The following LHFPL3 variants were observed in gnomAD, a reference collection of about 807,000 sequenced individuals.
LHFPL3 encodes the protein LHFPL tetraspan subfamily member 3 protein.
LHFPL3 carries 5 observed loss-of-function variants against 19.3 expected under a neutral mutation model. The observed-to-expected ratio is 0.26, with a 90% CI of 0.14 to 0.54. LHFPL3 has a LOEUF of 0.54. Ranked by LOEUF, LHFPL3 falls within the 20% of genes least tolerant of loss-of-function variation. The pLI, the probability that LHFPL3 is intolerant of heterozygous loss-of-function variation, is 0.94. For missense variants in LHFPL3, 249 were observed against 307.4 expected, an observed-to-expected ratio of 0.81 and a Z score of 1.42; for synonymous variants, 133 against 126.2, an observed-to-expected ratio of 1.05 and a Z score of -0.36.
At chr7:104,748,964 AT>A (rs1172579692) in intron 2 of LHFPL3, among the ~76,000 whole-genome samples, 1 of 152,132 alleles carries the variant, frequency 6.6e-6, no homozygotes, top group Non-Finnish European at 1.5e-5. Context: ...CACTAATTTA[AT>A]TTCTTTTGTT....
intron 1 of LHFPL3, among the ~76,000 whole-genome samples, chr7:104,493,689 C>T (rs544970545): frequency 6.6e-6 from 1 of 151,998 alleles, no homozygotes; most frequent in African/African-American, 2.4e-5. Context: ...ATTGGTTTTA[C>T]TTGTGCAATA....
chr7:104,836,747 G>A (rs892749160), intron 2 of LHFPL3, among the ~76,000 whole-genome samples: 8 of 152,180 alleles, frequency 5.3e-5, no homozygotes, highest in African/African-American at 1.4e-4. Context: ...CTGCTGAGCA[G>A]AGATGAGCCA....
In LHFPL3 at chr7:104,329,101, G is replaced by T. The variant is rs1279232472; in HGVS notation, c.322G>T (p.Ala108Ser). The change falls in exon 1 of 3, where the codon GCC becomes TCC. Residue 108 changes from alanine (A) to serine (S), a missense_variant. Ala to Ser is a moderately conservative substitution (Grantham distance 99). Coordinates refer to ENST00000424859, the MANE Select transcript of LHFPL3 (RefSeq NM_199000.3). ...GCTGCCCTCGGGCGCCTTCAAAGCC[G>T]CCTCCTTCTTTATCGGCCTCTCCAT... ...STLPSGAFKA[A>S]SFFIGLSMML... 1.2e-6 allele frequency: 2 copies of T among 1,614,068 alleles called. No individual in the cohort carries two copies. The highest frequency in any genetic ancestry group is 1.1e-5 in the South Asian group (1 of 91,088).
At chr7:104,438,847 A>C (rs1015848352) in intron 1 of LHFPL3, among the ~76,000 whole-genome samples, 1 of 152,174 alleles carries the variant, frequency 6.6e-6, no homozygotes, top group African/African-American at 2.4e-5. Flanking sequence ...TTAAATCTCT[A>C]TCAAAACTGT....
intron 1 of LHFPL3, among the ~76,000 whole-genome samples, chr7:104,680,409 T>C (rs1792673130): frequency 1.3e-5 from 2 of 152,176 alleles, no homozygotes; most frequent in African/African-American, 4.8e-5. Context: ...GCAGGAAAAG[T>C]GCCAGCACAG....
intron 2 of LHFPL3, among the ~76,000 whole-genome samples, chr7:104,848,673 A>G (rs1791359164): frequency 6.6e-6 from 1 of 152,128 alleles, no homozygotes; most frequent in African/African-American, 2.4e-5. Context: ...GGAGGAGGAA[A>G]GGAGTCCTAT....
At chr7:104,600,679 C>G (rs1238610765) in intron 1 of LHFPL3, among the ~76,000 whole-genome samples, 62 of 152,140 alleles carry the variant, frequency 4.1e-4, no homozygotes, top group Non-Finnish European at 1.0e-4. Context: ...TCACTGAGGT[C>G]GTGGCAAAGC....
chr7:104,743,087 C>A (rs1793967835), intron 2 of LHFPL3, among the ~76,000 whole-genome samples: 1 of 152,126 alleles, frequency 6.6e-6, no homozygotes, highest in Non-Finnish European at 1.5e-5. Flanking sequence ...CGCCACTGCA[C>A]TCCAGCCTGG....
intron 1 of LHFPL3, among the ~76,000 whole-genome samples, chr7:104,549,854 T>C (rs374832690): frequency 1.2e-3 from 190 of 152,238 alleles, no homozygotes; most frequent in African/African-American, 4.5e-3. Context: ...AACCAATAAA[T>C]ATGATATGCT....
intron 1 of LHFPL3, among the ~76,000 whole-genome samples, chr7:104,534,624 T>C (rs1006920018): frequency 2.6e-5 from 4 of 152,228 alleles, no homozygotes; most frequent in East Asian, 1.9e-4. Flanking sequence ...TCTCACTAAT[T>C]CAATGTATTC....
chr7:104,823,690 G>A (rs986330716), intron 2 of LHFPL3, among the ~76,000 whole-genome samples: 1 of 152,104 alleles, frequency 6.6e-6, no homozygotes, highest in Non-Finnish European at 1.5e-5. Context: ...ATCTTCAATT[G>A]GTCTGTGAAT....
In LHFPL3 at chr7:104,705,896, A is replaced by G. The variant is rs895889829; in HGVS notation, c.446-30779A>G. On this transcript the variant is annotated intron_variant, in intron 1 of 2. Transcript: ENST00000424859. ...CACAGAAGCATAGGCAGCTCATGCA[A>G]ACAGGACTCTACTTGTCAGACCCCC... Among the ~76,000 whole-genome samples the G allele has an allele frequency of 3.9e-5, 6 of 152,272 alleles. No homozygotes were observed. The East Asian group carries it at 1.2e-3, about 30-fold the overall frequency.
chr7:104,384,820 A>G (rs1325208547), intron 1 of LHFPL3, among the ~76,000 whole-genome samples: 2 of 151,388 alleles, frequency 1.3e-5, no homozygotes, highest in African/African-American at 4.8e-5. Flanking sequence ...AAGAAGAATG[A>G]ATATATCAAA....
chr7:104,815,567 A>C (rs1790547006), intron 2 of LHFPL3, among the ~76,000 whole-genome samples: 1 of 152,224 alleles, frequency 6.6e-6, no homozygotes, highest in Non-Finnish European at 1.5e-5. Context: ...CTAAATCTGT[A>C]CATTTTAAGT....
intron 2 of LHFPL3, among the ~76,000 whole-genome samples, chr7:104,780,131 T>C (rs1794695094): frequency 6.6e-6 from 1 of 152,172 alleles, no homozygotes; most frequent in Admixed American, 6.5e-5. Flanking sequence ...TGGTTTTGTC[T>C]ACAGGCAGAG....
chr7:104,374,367 G>A (rs370054326), intron 1 of LHFPL3, among the ~76,000 whole-genome samples: 1 of 151,848 alleles, frequency 6.6e-6, no homozygotes, highest in East Asian at 1.9e-4. Context: ...TCAGCCTCCC[G>A]AGTAGCTGGG....
At chr7:104,484,506 C>T (rs1793200874) in intron 1 of LHFPL3, among the ~76,000 whole-genome samples, 1 of 152,194 alleles carries the variant, frequency 6.6e-6, no homozygotes, top group Admixed American at 6.5e-5. Context: ...TCCTTGGCTT[C>T]TCATTTACTT....
At chr7:104,606,668 C>G (rs899999478) in intron 1 of LHFPL3, among the ~76,000 whole-genome samples, 2 of 152,146 alleles carry the variant, frequency 1.3e-5, no homozygotes, top group Non-Finnish European at 2.9e-5. Context: ...CCACTGAAAC[C>G]TCAGCATTGC....
chr7:104,780,055 A>T (rs972866558), intron 2 of LHFPL3, among the ~76,000 whole-genome samples: 3 of 152,220 alleles, frequency 2.0e-5, no homozygotes, highest in African/African-American at 7.2e-5. Flanking sequence ...CCCTTCATCC[A>T]CAAGCTTGTT....
Sources: allele counts gnomAD v4.1 joint callset (sites outside exome capture counted in the v4.1 genomes callset), GRCh38; gene constraint gnomAD v4.1.1; transcripts MANE v1.5; gene names NCBI Gene and HGNC (gene_info 2026-07-23, HGNC 2026-07-21).